The following PGBD2 variants were observed in gnomAD, a reference collection of about 807,000 sequenced individuals.
PGBD2 encodes piggyBac transposable element-derived protein 2.
A neutral mutation model predicts 8.1 loss-of-function variants in PGBD2; 6 were observed. That is an observed-to-expected ratio of 0.74 (90% CI 0.40 to 1.46). The LOEUF is 1.46. Ranked by LOEUF, PGBD2 falls within the 40% of genes most tolerant of loss-of-function variation. The pLI is 0.02. For missense variants in PGBD2, 802 were observed against 739.0 expected (o/e 1.09, Z -0.99); for synonymous variants, 318 against 272.2 (o/e 1.17, Z -1.66).
upstream of PGBD2, among the ~76,000 whole-genome samples, chr1:248,903,358 C>T (rs191095856): frequency 2.6e-5 from 4 of 151,224 alleles, no homozygotes; most frequent in African/African-American, 7.3e-5. Context: ...ACCATCACAC[C>T]TGGCTAACTT....
At position 248,916,900 on chromosome 1, in the gene PGBD2, G is replaced by C; in HGVS notation, c.316G>C (p.Val106Leu). 1 of 1,614,086 alleles carries C rather than the reference G, an allele frequency of 6.2e-7. No homozygotes were observed. The stretch of plus-strand genomic sequence containing the variant: ...AGCCAAGAAGAGGCAGAAAGCAGTT[G>C]TGAAACCTCAGCGCATTTGGACCAA... Reference protein sequence around the residue: ...QPAKKRQKAVVKPQRIWTKRD... With the variant: ...QPAKKRQKAVLKPQRIWTKRD... The change falls in exon 3 of 3, where the codon GTG (valine) becomes CTG (leucine). Residue 106 changes from valine (V) to leucine (L), a missense_variant. Physicochemically the swap from Val to Leu is conservative, Grantham distance 32. Coordinates refer to ENST00000329291, the MANE Select transcript of PGBD2 (RefSeq NM_170725.3).
At chr1:248,905,113 C>T (rs1661596827), upstream of PGBD2, among the ~76,000 whole-genome samples, 1 of 152,200 alleles carries the variant, frequency 6.6e-6, no homozygotes, top group Non-Finnish European at 1.5e-5. Context: ...CCTGTTTTCT[C>T]AATTTGCTCA....
chr1:248,901,447 A>G (rs910263445), upstream of PGBD2, among the ~76,000 whole-genome samples: 2 of 152,200 alleles, frequency 1.3e-5, no homozygotes, highest in African/African-American at 2.4e-5. Flanking sequence ...CACACCTACA[A>G]CTATCTGATC....
chr1:248,901,854 A>G (rs573089576), upstream of PGBD2, among the ~76,000 whole-genome samples: 1 of 152,372 alleles, frequency 6.6e-6, no homozygotes, highest in African/African-American at 2.4e-5. Context: ...AAATTTTGCA[A>G]TCTATTCATT....
chr1:248,929,596 A>C, the PGBD2 span, among the ~76,000 whole-genome samples: 1 of 152,280 alleles, frequency 6.6e-6, no homozygotes, highest in African/African-American at 2.4e-5. Context: ...CGTATTTAGC[A>C]AGCTCCTAGC....
At chr1:248,928,582 T>C in the PGBD2 span, among the ~76,000 whole-genome samples, 121 of 152,336 alleles carry the variant, frequency 7.9e-4, no homozygotes, top group African/African-American at 2.4e-3. Context: ...AGGATGTTTC[T>C]AGTGGTTGTG....
the PGBD2 span, among the ~76,000 whole-genome samples, chr1:248,887,115 A>AT: frequency 6.6e-6 from 1 of 151,200 alleles, no homozygotes; most frequent in African/African-American, 2.5e-5. Context: ...TACAAAAATT[A>AT]TAAAAAAATA....
chr1:248,876,879 G>T, the PGBD2 span, among the ~76,000 whole-genome samples: 1 of 152,106 alleles, frequency 6.6e-6, no homozygotes, highest in Non-Finnish European at 1.5e-5. Flanking sequence ...ATATAGTCAT[G>T]TTTTTTGGTT....
the PGBD2 span, among the ~76,000 whole-genome samples, chr1:248,894,646 T>A: frequency 2.0e-5 from 3 of 152,158 alleles, 1 homozygote; most frequent in South Asian, 6.2e-4. Flanking sequence ...GTAATGAATA[T>A]ACACATTTTC....
At chr1:248,905,669 G>C (rs759984860), upstream of PGBD2, among the ~76,000 whole-genome samples, 1 of 152,162 alleles carries the variant, frequency 6.6e-6, no homozygotes, top group Non-Finnish European at 1.5e-5. Flanking sequence ...AAATTTAACT[G>C]TATTTTATCC....
chr1:248,914,831 T>C (rs914631225), intron 2 of PGBD2, among the ~76,000 whole-genome samples: 27 of 152,210 alleles, frequency 1.8e-4, no homozygotes, highest in African/African-American at 6.0e-4. Context: ...TGTGGAGTCC[T>C]GTGGGGCCTG....
chr1:248,905,044 G>A (rs545905785), upstream of PGBD2, among the ~76,000 whole-genome samples: 4 of 152,184 alleles, frequency 2.6e-5, no homozygotes, highest in Non-Finnish European at 5.9e-5. Context: ...AACAAAGCAA[G>A]TTAGAAACAC....
chr1:248,915,443 C>T (rs761328734), intron 2 of PGBD2, among the ~76,000 whole-genome samples: 8 of 152,276 alleles, frequency 5.3e-5, no homozygotes, highest in Non-Finnish European at 1.0e-4. Flanking sequence ...ATAAAATAGG[C>T]TTTGTGTTAG....
the PGBD2 span, among the ~76,000 whole-genome samples, chr1:248,875,396 G>T: frequency 6.6e-6 from 1 of 150,686 alleles, no homozygotes; most frequent in African/African-American, 2.4e-5. Context: ...TCACAGATAT[G>T]CCATTACTCC....
At chr1:248,899,797 G>A in the PGBD2 span, among the ~76,000 whole-genome samples, 1,316 of 125,836 alleles carry the variant, frequency 0.01, 22 homozygotes, top group African/African-American at 0.034. Context: ...TTTTTTTTGG[G>A]AAAAAAAAAA....
chr1:248,917,463 C>T lies in PGBD2; in HGVS notation c.879C>T (p.Gly293=). 6.2e-7 allele frequency: 1 copy of T among 1,614,026 alleles called. No homozygotes were observed. Among genetic ancestry groups the T allele is most frequent in the Non-Finnish European group, 8.5e-7 (1 of 1,180,010 alleles). Residue 293 remains glycine, a synonymous_variant, in exon 3 of 3, where the codon GGC becomes GGT. Coordinates refer to ENST00000329291, the MANE Select transcript of PGBD2 (RefSeq NM_170725.3). ...ACAGGGGGAAGCCTGTGCGACTTGG[C>T]TACAAGATTTGGTGTGGGACAACCA... ...QLHRGKPVRL[G]YKIWCGTTSR...
chr1:248,911,518 T>C (rs1661875071), intron 1 of PGBD2, among the ~76,000 whole-genome samples: 3 of 144,598 alleles, frequency 2.1e-5, no homozygotes, highest in Admixed American at 6.6e-5. Context: ...TGTCTACTTC[T>C]TTCTACACAG....
At chr1:248,910,594 G>C (rs1036632855) in intron 1 of PGBD2, among the ~76,000 whole-genome samples, 2 of 152,214 alleles carry the variant, frequency 1.3e-5, no homozygotes, top group African/African-American at 4.8e-5. Context: ...GTGAAAGGGG[G>C]TGGGGAGAGA....
chr1:248,896,419 C>T, the PGBD2 span, among the ~76,000 whole-genome samples: 1 of 152,074 alleles, frequency 6.6e-6, no homozygotes, highest in African/African-American at 2.4e-5. Flanking sequence ...CTCTCACAAT[C>T]ATGCATACGT....
Sources: allele counts gnomAD v4.1 joint callset (sites outside exome capture counted in the v4.1 genomes callset), GRCh38; gene constraint gnomAD v4.1.1; transcripts MANE v1.5; gene names NCBI Gene and HGNC (gene_info 2026-07-23, HGNC 2026-07-21).